S100Z: variants seen among roughly 807,000 people sequenced by gnomAD.
The protein encoded by S100Z is protein S100-Z.
S100Z carries 11 observed loss-of-function variants against 8.5 expected under a neutral mutation model. The ratio of observed to expected loss-of-function variants is 1.30; its 90% CI spans 0.82 to 2.15. The LOEUF (loss-of-function observed/expected upper bound fraction) is 2.15, where lower values mean the gene tolerates loss of function less well. Among genes scored for constraint, S100Z ranks in the 30% most tolerant of loss-of-function variants. The pLI, the probability that S100Z is intolerant of heterozygous loss-of-function variation, is 0.00. For missense variants in S100Z, 126 were observed against 117.9 expected, an observed-to-expected ratio of 1.07 and a Z score of -0.32; for synonymous variants, 34 against 43.8, an observed-to-expected ratio of 0.78 and a Z score of 0.89.
chr5:76,937,772 G>GAAAAAA, the S100Z span, among the ~76,000 whole-genome samples: 2 of 68,336 alleles, frequency 2.9e-5, no homozygotes, highest in African/African-American at 9.0e-5. Flanking sequence ...AAAAAAAAAG[G>GAAAAAA]AGGCAACCTA....
At position 76,909,101 on chromosome 5, in the gene S100Z, G is replaced by A. The variant is rs1455166523; in HGVS notation, c.*3-11616G>A. Among the ~76,000 whole-genome samples the A allele has an allele frequency of 2.0e-5, 3 of 152,162 alleles. No homozygotes were observed. In the East Asian group the frequency reaches 5.8e-4, roughly 29 times the overall value. On this transcript the variant is annotated intron_variant, in intron 4 of 4. Transcript: ENST00000317593. Reference sequence around the variant, plus strand: ...GGGACCATTGTGGGTTCTTGGACAAGAGGTGTTTTCGGCTACTGCATCGGT... The same window carrying A: ...GGGACCATTGTGGGTTCTTGGACAAAAGGTGTTTTCGGCTACTGCATCGGT...
intron 4 of S100Z, among the ~76,000 whole-genome samples, chr5:76,894,918 A>G (rs1743983449): frequency 6.6e-6 from 1 of 152,066 alleles, no homozygotes; most frequent in African/African-American, 2.4e-5. Flanking sequence ...TTAAATTTTG[A>G]TGTTTCAACA....
At chr5:76,912,175 C>T (rs1217438812) in intron 4 of S100Z, among the ~76,000 whole-genome samples, 1 of 152,138 alleles carries the variant, frequency 6.6e-6, no homozygotes, top group African/African-American at 2.4e-5. Flanking sequence ...ATACTAGGTG[C>T]CAAAGGAAGT....
Position 76,892,889 on chromosome 5 carries a change from TCTC to T in S100Z, c.*2+15062_*2+15064del, listed in dbSNP as rs554849313. Among the ~76,000 whole-genome samples, 320 of 152,220 alleles carry T rather than the reference TCTC, an allele frequency of 2.1e-3. 1 individual carries two copies. The highest frequency in any genetic ancestry group is 4.1e-3 in the Non-Finnish European group (276 of 68,020). ...TGTCTCAGGTGAGTGGAGGGATGAC[TCTC>T]CTCCTCTCTTTGTCCCTTACCTATG... On this transcript the variant is annotated intron_variant, in intron 4 of 4. Transcript: ENST00000317593.
the S100Z span, among the ~76,000 whole-genome samples, chr5:76,927,891 C>T: frequency 6.6e-6 from 1 of 152,150 alleles, no homozygotes; most frequent in African/African-American, 2.4e-5. Context: ...CAGGATCCTG[C>T]AGCAAATACA....
intron 4 of S100Z, among the ~76,000 whole-genome samples, chr5:76,917,322 C>T (rs1744885388): frequency 6.6e-6 from 1 of 152,058 alleles, no homozygotes; most frequent in Admixed American, 6.6e-5. Flanking sequence ...TCCAGTTTGA[C>T]TTTTTTGTAG....
chr5:76,850,439 G>A (rs1284462513), intron 1 of S100Z, among the ~76,000 whole-genome samples: 1 of 151,966 alleles, frequency 6.6e-6, no homozygotes, highest in Non-Finnish European at 1.5e-5. Context: ...GTTCATTCTG[G>A]CTCCTTTCCT....
chr5:76,913,195 C>T (rs1038338592), intron 4 of S100Z, among the ~76,000 whole-genome samples: 5 of 152,206 alleles, frequency 3.3e-5, no homozygotes, highest in African/African-American at 1.2e-4. Context: ...CAACCCATAG[C>T]CTTCCTATCA....
the S100Z span, among the ~76,000 whole-genome samples, chr5:76,947,113 G>A: frequency 6.6e-6 from 1 of 152,218 alleles, no homozygotes; most frequent in Non-Finnish European, 1.5e-5. Flanking sequence ...TACCAGCACA[G>A]GGACTGCAGA....
downstream of S100Z, among the ~76,000 whole-genome samples, chr5:76,925,321 G>A (rs543720530): frequency 6.6e-6 from 1 of 152,320 alleles, no homozygotes; most frequent in East Asian, 1.9e-4. Context: ...CAAGAGGCAG[G>A]GATGCTTGGG....
chr5:76,894,050 C>T (rs767952487), intron 4 of S100Z, among the ~76,000 whole-genome samples: 1 of 152,158 alleles, frequency 6.6e-6, no homozygotes, highest in Non-Finnish European at 1.5e-5. Flanking sequence ...GGGGGTCTGA[C>T]GTGCCTCATT....
chr5:76,943,661 C>G, the S100Z span, among the ~76,000 whole-genome samples: 16 of 152,160 alleles, frequency 1.1e-4, no homozygotes, highest in Non-Finnish European at 2.9e-5. Context: ...ATTGCCCACA[C>G]CTTTGTAAAC....
chr5:76,923,179 G>A (rs1353772101), downstream of S100Z, among the ~76,000 whole-genome samples: 4 of 152,096 alleles, frequency 2.6e-5, no homozygotes, highest in East Asian at 5.8e-4. Flanking sequence ...ACAAAACAAG[G>A]CCCACAGATT....
intron 3 of S100Z, 130 bp from the exon 4 acceptor site, chr5:76,877,544 G>C: frequency 1.6e-6 from 1 of 635,070 alleles, no homozygotes; most frequent in Admixed American, 2.9e-5. Flanking sequence ...CTGTAAATAG[G>C]TTCTTAGAAA....
At chr5:76,908,102 A>T (rs1297727525) in intron 4 of S100Z, among the ~76,000 whole-genome samples, 2 of 152,218 alleles carry the variant, frequency 1.3e-5, no homozygotes, top group African/African-American at 2.4e-5. Context: ...ACTGCACTCC[A>T]GCCTGGGCAA....
intron 4 of S100Z, among the ~76,000 whole-genome samples, chr5:76,882,662 T>A (rs1743449308): frequency 6.6e-6 from 1 of 152,202 alleles, no homozygotes; most frequent in South Asian, 2.1e-4. Flanking sequence ...AGCATGTGTA[T>A]TTTCATGAAG....
chr5:76,887,855 G>C (rs1158072964), intron 4 of S100Z, among the ~76,000 whole-genome samples: 1 of 152,158 alleles, frequency 6.6e-6, no homozygotes, highest in African/African-American at 2.4e-5. Context: ...AGCCAGTTCT[G>C]AGCAGATAGG....
At chr5:76,933,752 A>G in the S100Z span, among the ~76,000 whole-genome samples, 2 of 152,186 alleles carry the variant, frequency 1.3e-5, no homozygotes, top group African/African-American at 4.8e-5. Context: ...ACATAACAAA[A>G]TTTTACCAAA....
chr5:76,909,308 GA>G (rs1173557545), intron 4 of S100Z, among the ~76,000 whole-genome samples: 1 of 152,072 alleles, frequency 6.6e-6, no homozygotes, highest in Non-Finnish European at 1.5e-5. Context: ...CATAAACCCT[GA>G]AAAAGAGGCA....
Sources: allele counts gnomAD v4.1 joint callset (sites outside exome capture counted in the v4.1 genomes callset), GRCh38; gene constraint gnomAD v4.1.1; transcripts MANE v1.5; gene names NCBI Gene and HGNC (gene_info 2026-07-23, HGNC 2026-07-21).